Variants in AQP9 observed in about 807,000 individuals in gnomAD.
The protein encoded by AQP9 is aquaporin 9, also known as aquaporin-9.
A neutral mutation model predicts 23.8 loss-of-function variants in AQP9; 19 were observed. The ratio of observed to expected loss-of-function variants is 0.80; its 90% CI spans 0.56 to 1.17. AQP9 has a LOEUF of 1.17. Among genes scored for constraint, AQP9 ranks in the 50% most tolerant of loss-of-function variants. The pLI is 0.00. For synonymous variants in AQP9, 153 were observed against 131.5 expected (o/e 1.16, Z -1.12); for missense variants, 413 against 362.0 (o/e 1.14, Z -1.14).
intron 1 of AQP9, among the ~76,000 whole-genome samples, chr15:58,158,032 A>G (rs1156466318): frequency 1.3e-5 from 2 of 152,162 alleles, no homozygotes; most frequent in Non-Finnish European, 2.9e-5. Context: ...AAGGAGACAA[A>G]TAGCTTCATC....
chr15:58,178,187 G>A (rs535022610), intron 4 of AQP9, among the ~76,000 whole-genome samples: 3 of 152,104 alleles, frequency 2.0e-5, no homozygotes, highest in East Asian at 1.9e-4. Flanking sequence ...GGAAGTCCTG[G>A]AACCAATCCC....
intron 1 of AQP9, among the ~76,000 whole-genome samples, chr15:58,141,966 A>C (rs1165374081): frequency 2.0e-5 from 3 of 152,232 alleles, no homozygotes; most frequent in Non-Finnish European, 4.4e-5. Context: ...ATTTTGGTCT[A>C]GTACATTATT....
Position 58,174,914 on chromosome 15 carries a change from A to G in AQP9, c.377-4A>G. 2 of 1,613,100 alleles carry G rather than the reference A, an allele frequency of 1.2e-6. No individual in the cohort carries two copies. Among genetic ancestry groups the G allele is most frequent in the Non-Finnish European group, 1.7e-6 (2 of 1,178,986 alleles). Reference sequence around the variant, plus strand: ...CTAATGTGCCAGAGCTTTCTCTTTCATAGATGGACTTATGTCCTTTGCTGG... The same window carrying G: ...CTAATGTGCCAGAGCTTTCTCTTTCGTAGATGGACTTATGTCCTTTGCTGG... On this transcript the variant is annotated splice_polypyrimidine_tract_variant and splice_region_variant and intron_variant, in intron 3 of 5. Coordinates refer to ENST00000219919, the MANE Select transcript of AQP9 (RefSeq NM_020980.5).
intron 1 of AQP9, chr15:58,153,188 A>C (rs1238436401): frequency 6.6e-6 from 1 of 152,122 alleles, no homozygotes; most frequent in Non-Finnish European, 1.5e-5. Flanking sequence ...AACACATGAG[A>C]GCGTCAACAA....
intron 1 of AQP9, among the ~76,000 whole-genome samples, chr15:58,157,276 C>T (rs1898283670): frequency 6.6e-6 from 1 of 152,156 alleles, no homozygotes; most frequent in African/African-American, 2.4e-5. Flanking sequence ...TTGCTGCTGT[C>T]CACATAGTAC....
At chr15:58,180,145 A>G (rs569100804) in intron 5 of AQP9, among the ~76,000 whole-genome samples, 1 of 152,306 alleles carries the variant, frequency 6.6e-6, no homozygotes, top group African/African-American at 2.4e-5. Context: ...GTTTCCCTGC[A>G]TGCAGTCACA....
chr15:58,144,542 T>C lies in AQP9; in HGVS notation c.111+5866T>C, dbSNP rs148511504. On this transcript the variant is annotated intron_variant, in intron 1 of 5. Transcript: ENST00000219919. ...TTGAGAACATTGTTTGTTGTTGTTGTTGTCTTTCTACTTTTATTACCAAGG... is the reference window on the plus strand; with the variant it reads ...TTGAGAACATTGTTTGTTGTTGTTGCTGTCTTTCTACTTTTATTACCAAGG... Among the ~76,000 whole-genome samples, 521 of 152,352 alleles carry C rather than the reference T, an allele frequency of 3.4e-3. 2 individuals are homozygous for C. The highest frequency in any genetic ancestry group is 0.012 in the African/African-American group (487 of 41,578).
chr15:58,177,895 G>A (rs1339198651), intron 4 of AQP9, among the ~76,000 whole-genome samples: 2 of 151,954 alleles, frequency 1.3e-5, no homozygotes, highest in South Asian at 2.1e-4. Flanking sequence ...TTTCTTTTAC[G>A]TATGTTTTTA....
chr15:58,160,106 T>C (rs1898343569), intron 1 of AQP9, among the ~76,000 whole-genome samples: 1 of 152,200 alleles, frequency 6.6e-6, no homozygotes, highest in South Asian at 2.1e-4. Flanking sequence ...AGTGGCTATA[T>C]TAGTTTACAT....
At chr15:58,160,478 G>A (rs1328112521) in intron 1 of AQP9, among the ~76,000 whole-genome samples, 5 of 151,836 alleles carry the variant, frequency 3.3e-5, no homozygotes, top group Non-Finnish European at 5.9e-5. Context: ...CAGAGAAATG[G>A]GGTTTCTTTT....
At chr15:58,180,684 G>C (rs913259350) in intron 5 of AQP9, among the ~76,000 whole-genome samples, 21 of 152,292 alleles carry the variant, frequency 1.4e-4, no homozygotes, top group Non-Finnish European at 2.5e-4. Context: ...GTGGGCAACT[G>C]TTCCCCAGGG....
intron 2 of AQP9, among the ~76,000 whole-genome samples, chr15:58,172,714 G>T (rs902607672): frequency 6.6e-6 from 1 of 152,064 alleles, no homozygotes; most frequent in African/African-American, 2.4e-5. Flanking sequence ...AAAAGATATC[G>T]AAGTTAATAG....
Position 58,143,400 on chromosome 15 carries a change from C to G in AQP9, c.111+4724C>G, listed in dbSNP as rs186218984. On this transcript the variant is annotated intron_variant, in intron 1 of 5. Coordinates refer to ENST00000219919, the MANE Select transcript of AQP9 (RefSeq NM_020980.5). The stretch of plus-strand genomic sequence containing the variant: ...TACCCCAGACACTTTGATCCTTAAA[C>G]TAAATCTAAACTAAATCTAATGAGG... Among the ~76,000 whole-genome samples the G allele has an allele frequency of 2.3e-3, 343 of 152,076 alleles. 3 individuals carry two copies. Among genetic ancestry groups the G allele is most frequent in the African/African-American group, 8.1e-3 (336 of 41,526 alleles).
chr15:58,166,620 A>G, intron 1 of AQP9, 53 bp from the exon 2 acceptor site: 8 of 1,552,700 alleles, frequency 5.2e-6, no homozygotes, highest in Non-Finnish European at 7.0e-6. Context: ...AGTTTCCATT[A>G]CTTTTGACAG....
chr15:58,166,603 T>C (rs1566987167), intron 1 of AQP9, 70 bp from the exon 2 acceptor site: 1 of 1,522,490 alleles, frequency 6.6e-7, no homozygotes, highest in Non-Finnish European at 8.8e-7. Flanking sequence ...AAATACTTGC[T>C]ACTGTGAGTT....
rs528694557 is a variant in AQP9 at position 58,179,413 on chromosome 15, G to C, written c.713+68G>C. The C allele has an allele frequency of 5.4e-4, 772 of 1,426,572 alleles. 5 individuals carry two copies. The African/African-American group carries it at 0.01, about 19-fold the overall frequency. The allele number at this position is 1,426,572 out of a possible 1,614,324, so 88.4% of individuals were successfully genotyped here. Reference sequence around the variant, plus strand: ...CGCCTCACCAGTGGGGCGGGGCTTTGACATGGAGATCCAGGGAAGTTCAGA... The same window carrying C: ...CGCCTCACCAGTGGGGCGGGGCTTTCACATGGAGATCCAGGGAAGTTCAGA... On this transcript the variant is annotated intron_variant, in intron 5 of 5. Coordinates refer to ENST00000219919, the MANE Select transcript of AQP9 (RefSeq NM_020980.5).
At chr15:58,178,144 G>A (rs1319067253) in intron 4 of AQP9, among the ~76,000 whole-genome samples, 2 of 152,118 alleles carry the variant, frequency 1.3e-5, no homozygotes, top group East Asian at 1.9e-4. Context: ...TTATATTGGG[G>A]ACTTGAACAT....
intron 2 of AQP9, among the ~76,000 whole-genome samples, chr15:58,172,092 A>G (rs978340236): frequency 5.3e-5 from 8 of 152,210 alleles, no homozygotes; most frequent in Non-Finnish European, 1.0e-4. Flanking sequence ...CACGGTGAAG[A>G]TGGGCTGGAA....
intron 4 of AQP9, among the ~76,000 whole-genome samples, chr15:58,176,616 C>CTT (rs11296169): frequency 7.4e-6 from 1 of 135,416 alleles, no homozygotes; most frequent in Non-Finnish European, 1.6e-5. Context: ...TTTCTCTAAG[C>CTT]TTTTTTTTTT....
Sources: gnomAD v4.1 joint callset for allele counts (sites outside exome capture counted in the v4.1 genomes callset) on GRCh38, gnomAD v4.1.1 for gene constraint, MANE v1.5 for transcripts, NCBI Gene and HGNC (gene_info 2026-07-23, HGNC 2026-07-21) for gene names.